The following CSMD1 variants were observed in gnomAD, a reference collection of about 807,000 sequenced individuals.
CSMD1 encodes CUB and Sushi multiple domains 1, also known as CUB and sushi domain-containing protein 1.
In CSMD1, 213 loss-of-function variants were observed where a neutral mutation model predicts 417.5. The observed-to-expected ratio is 0.51, with a 90% CI of 0.46 to 0.57. The LOEUF (loss-of-function observed/expected upper bound fraction) is 0.57, where lower values mean the gene tolerates loss of function less well. Among genes scored for constraint, CSMD1 ranks in the 20% least tolerant of loss-of-function variants. The probability of loss-of-function intolerance (pLI) is 0.00; values close to 1 mark genes in which losing one functional copy is unlikely to be tolerated. For synonymous variants in CSMD1, 2,862 were observed against 1,736.8 expected (o/e 1.65, Z -16.11); for missense variants, 6,923 against 4,529.7 (o/e 1.53, Z -15.17).
At chr8:4,019,311 G>C (rs774561716) in intron 4 of CSMD1, among the ~76,000 whole-genome samples, 1 of 152,188 alleles carries the variant, frequency 6.6e-6, no homozygotes, top group Non-Finnish European at 1.5e-5. Flanking sequence ...GGCTTGGAAT[G>C]TTTCTGTGTC....
chr8:4,196,378 A>C (rs1366531036), intron 3 of CSMD1, among the ~76,000 whole-genome samples: 1 of 152,186 alleles, frequency 6.6e-6, no homozygotes, highest in Non-Finnish European at 1.5e-5. Context: ...TGTAGGTCTG[A>C]AATTCAATAC....
intron 50 of CSMD1, among the ~76,000 whole-genome samples, chr8:3,047,666 C>T (rs970514291): frequency 3.9e-5 from 6 of 152,210 alleles, no homozygotes; most frequent in East Asian, 1.9e-4. Context: ...CCCCAACCAA[C>T]GACTTAAAAC....
At chr8:4,756,283 T>A (rs1345930981) in intron 1 of CSMD1, among the ~76,000 whole-genome samples, 1 of 152,182 alleles carries the variant, frequency 6.6e-6, no homozygotes, top group African/African-American at 2.4e-5. Flanking sequence ...ATTGCCATCA[T>A]GCAAAATTGA....
At chr8:3,100,403 A>G (rs1387205097) in intron 46 of CSMD1, among the ~76,000 whole-genome samples, 1 of 152,046 alleles carries the variant, frequency 6.6e-6, no homozygotes, top group Non-Finnish European at 1.5e-5. Flanking sequence ...TTCATATGGA[A>G]CCACTCCTTC....
At chr8:3,541,203 G>A (rs889755973) in intron 10 of CSMD1, among the ~76,000 whole-genome samples, 1 of 152,174 alleles carries the variant, frequency 6.6e-6, no homozygotes. Context: ...GCAGCCATAA[G>A]AAGGAATGAG....
chr8:4,722,598 G>A (rs1303076699), intron 1 of CSMD1, among the ~76,000 whole-genome samples: 1 of 152,098 alleles, frequency 6.6e-6, no homozygotes, highest in Non-Finnish European at 1.5e-5. Context: ...TCTTGGAGGA[G>A]CCCTGAACTA....
chr8:3,654,099 G>C (rs1297233778), intron 7 of CSMD1, among the ~76,000 whole-genome samples: 2 of 152,138 alleles, frequency 1.3e-5, no homozygotes, highest in Admixed American at 6.5e-5. Flanking sequence ...TTAGAGTAGA[G>C]GGTGTTGTCA....
intron 12 of CSMD1, among the ~76,000 whole-genome samples, chr8:3,447,684 G>A (rs1395130012): frequency 6.6e-6 from 1 of 152,194 alleles, no homozygotes; most frequent in African/African-American, 2.4e-5. Context: ...GAAGGGCTCT[G>A]CTCCCACTTC....
At chr8:4,024,666 G>A (rs1191382800) in intron 4 of CSMD1, among the ~76,000 whole-genome samples, 2 of 152,142 alleles carry the variant, frequency 1.3e-5, no homozygotes, top group Non-Finnish European at 2.9e-5. Flanking sequence ...ATATTGCCAA[G>A]GAGACACTGC....
At chr8:4,413,782 G>T (rs553289986) in intron 3 of CSMD1, among the ~76,000 whole-genome samples, 5 of 150,428 alleles carry the variant, frequency 3.3e-5, no homozygotes, top group Middle Eastern at 3.2e-3. Context: ...AGAGATTTCG[G>T]TAGCTTCTGG....
At chr8:3,584,798 T>C (rs922592264) in intron 9 of CSMD1, among the ~76,000 whole-genome samples, 3 of 152,070 alleles carry the variant, frequency 2.0e-5, no homozygotes, top group Non-Finnish European at 4.4e-5. Flanking sequence ...GATTTTTTTT[T>C]CCCCAAAGGA....
chr8:4,253,602 G>A (rs779110), intron 3 of CSMD1, among the ~76,000 whole-genome samples: 115,083 of 152,014 alleles, frequency 0.76, 45,537 homozygotes, highest in Non-Finnish European at 0.88. Context: ...AGATGAGAAA[G>A]TATCTGTCAA....
At chr8:4,105,081 G>GAC (rs1801499882) in intron 3 of CSMD1, among the ~76,000 whole-genome samples, 1 of 151,998 alleles carries the variant, frequency 6.6e-6, no homozygotes, top group Admixed American at 6.6e-5. Flanking sequence ...TTAAAGTAAA[G>GAC]ACAGCAAGGG....
At chr8:3,440,190 A>G (rs10113529) in intron 12 of CSMD1, among the ~76,000 whole-genome samples, 18,025 of 152,224 alleles carry the variant, frequency 0.12, 1,116 homozygotes, top group Middle Eastern at 0.16. Flanking sequence ...TCTACAAAAC[A>G]TATTTGCTGA....
chr8:3,443,467 T>A (rs998007916), intron 12 of CSMD1, among the ~76,000 whole-genome samples: 1 of 152,184 alleles, frequency 6.6e-6, no homozygotes, highest in African/African-American at 2.4e-5. Flanking sequence ...AAACATCTAA[T>A]ATCTATATAT....
intron 1 of CSMD1, among the ~76,000 whole-genome samples, chr8:4,747,267 T>G (rs997463251): frequency 6.6e-6 from 1 of 152,210 alleles, no homozygotes; most frequent in Non-Finnish European, 1.5e-5. Flanking sequence ...TAAGTAGTAT[T>G]GAAAACAAGC....
chr8:4,199,756 A>G (rs1340064734), intron 3 of CSMD1, among the ~76,000 whole-genome samples: 1 of 152,164 alleles, frequency 6.6e-6, no homozygotes, highest in Non-Finnish European at 1.5e-5. Flanking sequence ...AATATTTTCA[A>G]AAACTGAAGA....
intron 1 of CSMD1, among the ~76,000 whole-genome samples, chr8:4,652,944 G>T (rs1336416239): frequency 6.6e-6 from 1 of 151,474 alleles, no homozygotes; most frequent in African/African-American, 2.5e-5. Flanking sequence ...GTGAGTGATA[G>T]GGAGTGGCTG....
intron 37 of CSMD1, among the ~76,000 whole-genome samples, chr8:3,178,430 T>G (rs1256743792): frequency 6.6e-6 from 1 of 151,950 alleles, no homozygotes; most frequent in Non-Finnish European, 1.5e-5. Context: ...AGCACTGACC[T>G]TTGGTGTCAT....
Sources: gnomAD v4.1 joint callset for allele counts (sites outside exome capture counted in the v4.1 genomes callset) on GRCh38, gnomAD v4.1.1 for gene constraint, MANE v1.5 for transcripts, NCBI Gene and HGNC (gene_info 2026-07-23, HGNC 2026-07-21) for gene names.